GRB14: variants seen among roughly 807,000 people sequenced by gnomAD.
GRB14 encodes growth factor receptor-bound protein 14.
In GRB14, 38 loss-of-function variants were observed where a neutral mutation model predicts 69.1. That is an observed-to-expected ratio of 0.55 (90% CI 0.42 to 0.72). GRB14 has a LOEUF of 0.72. GRB14 is among the 30% of genes least tolerant of loss of function. The probability of loss-of-function intolerance (pLI) is 0.00; values close to 1 mark genes in which losing one functional copy is unlikely to be tolerated. For synonymous variants in GRB14, 247 were observed against 241.3 expected, an observed-to-expected ratio of 1.02 and a Z score of -0.22; for missense variants, 666 against 666.1, an observed-to-expected ratio of 1.00 and a Z score of 0.00.
rs148268784 is a variant in GRB14, at chr2:164,503,442, CAAAAAAAAAA to C, written c.1024-1117_1024-1108del. 1.7e-4 allele frequency among the ~76,000 whole-genome samples: 16 copies of C among 92,236 alleles called. No individual in the cohort carries two copies. The East Asian group carries it at 5.7e-3, about 33-fold the overall frequency. The allele number at this position is 92,236 out of a possible 152,430, so 60.5% of individuals were successfully genotyped here. Reference sequence around the variant, plus strand: ...ACAATGGGTATATTTGGTAATTAGGCAAAAAAAAAAAAAAAAAAAAAAAAAAAAAAAAAAT... The same window carrying C: ...ACAATGGGTATATTTGGTAATTAGGCAAAAAAAAAAAAAAAAAAAAAAAAT... On this transcript the variant is annotated intron_variant, in intron 8 of 13. Coordinates refer to ENST00000263915, the MANE Select transcript of GRB14 (RefSeq NM_004490.3).
At chr2:164,613,180 G>T (rs1444405419) in intron 2 of GRB14, among the ~76,000 whole-genome samples, 1 of 152,214 alleles carries the variant, frequency 6.6e-6, no homozygotes, top group Non-Finnish European at 1.5e-5. Flanking sequence ...TGAACACTCT[G>T]AACTGGGTAC....
chr2:164,603,055 T>A (rs1398355583), intron 2 of GRB14, among the ~76,000 whole-genome samples: 1 of 152,138 alleles, frequency 6.6e-6, no homozygotes, highest in Non-Finnish European at 1.5e-5. Flanking sequence ...ATTAGAGGCA[T>A]GATTAGAGAG....
intron 2 of GRB14, among the ~76,000 whole-genome samples, chr2:164,611,785 G>C (rs745700334): frequency 1.3e-5 from 2 of 151,830 alleles, no homozygotes; most frequent in Admixed American, 1.3e-4. Flanking sequence ...TGTGACTCCT[G>C]TGCTCTTTGT....
At chr2:164,533,168 C>T (rs1464659133) in intron 3 of GRB14, among the ~76,000 whole-genome samples, 4 of 149,904 alleles carry the variant, frequency 2.7e-5, no homozygotes, top group Non-Finnish European at 1.5e-5. Flanking sequence ...CTGTCTATAT[C>T]AACTAAAATT....
chr2:164,508,760 G>A lies in GRB14; in HGVS notation c.909C>T (p.Asn303=), dbSNP rs775580138. ...CCTGTACCTTAAAGCAGAATCCATAGTTAGTCGGTGCTCCATGTTTTTTTT... is the reference window on the plus strand; with the variant it reads ...CCTGTACCTTAAAGCAGAATCCATAATTAGTCGGTGCTCCATGTTTTTTTT... The part of the protein sequence containing the change: ...AGKKKHGAPT[N]YGFCFKPNKA... Residue 303 remains asparagine (N), a synonymous_variant, in exon 7 of 14, where the codon AAC becomes AAT. Transcript: ENST00000263915. 4 of 1,583,664 alleles carry A rather than the reference G, an allele frequency of 2.5e-6. No individual in the cohort carries two copies. Among genetic ancestry groups the A allele is most frequent in the Non-Finnish European group, 3.4e-6 (4 of 1,169,112 alleles).
Position 164,532,993 on chromosome 2 carries a change from G to C in GRB14, c.482-5858C>G, listed in dbSNP as rs779074822. 1.8e-4 allele frequency among the ~76,000 whole-genome samples: 28 copies of C among 151,730 alleles called. 1 individual carries two copies. The South Asian group carries it at 1.9e-3, about 10-fold the overall frequency. ...GGTAATTGGATGGTGTAGGTCCCAA[G>C]TGCCCCCTCTTGTAGGTCCCAAGTG... On this transcript the variant is annotated intron_variant, in intron 3 of 13. Transcript: ENST00000263915.
intron 2 of GRB14, among the ~76,000 whole-genome samples, chr2:164,602,240 T>C (rs1049932145): frequency 6.6e-6 from 1 of 151,982 alleles, no homozygotes; most frequent in African/African-American, 2.4e-5. Context: ...ACCTTGCCTC[T>C]GCCACTTCCT....
intron 12 of GRB14, among the ~76,000 whole-genome samples, chr2:164,495,751 G>T (rs960273242): frequency 6.6e-6 from 1 of 152,164 alleles, no homozygotes; most frequent in African/African-American, 2.4e-5. Flanking sequence ...GGACAAAAGG[G>T]CGTTTCACTG....
rs148239449 is a variant in GRB14, at chr2:164,516,853, G to C, written c.816+5127C>G. ...AGCCTGGCTAACATGGTGAAACCCT[G>C]TCTCTACTAAAAATACATAAATTAC... is the stretch of plus-strand genomic sequence containing the variant. On this transcript the variant is annotated intron_variant, in intron 6 of 13. Coordinates refer to ENST00000263915, the MANE Select transcript of GRB14 (RefSeq NM_004490.3). Among the ~76,000 whole-genome samples, 17 of 152,146 alleles carry C rather than the reference G, an allele frequency of 1.1e-4. No homozygotes were observed. The East Asian group carries it at 3.3e-3, about 30-fold the overall frequency.
intron 5 of GRB14, 32 bp downstream of exon 5, chr2:164,524,972 T>G: frequency 8.2e-7 from 1 of 1,222,286 alleles, no homozygotes; most frequent in Non-Finnish European, 1.2e-6. Flanking sequence ...ATTATGCTAT[T>G]ATTTATATAT....
chr2:164,612,757 A>G (rs1427383188), intron 2 of GRB14, among the ~76,000 whole-genome samples: 1 of 152,202 alleles, frequency 6.6e-6, no homozygotes, highest in Non-Finnish European at 1.5e-5. Context: ...TTGACAGAAC[A>G]TATTATATGC....
chr2:164,566,594 T>G (rs541814818), intron 2 of GRB14, among the ~76,000 whole-genome samples: 2 of 152,210 alleles, frequency 1.3e-5, no homozygotes, highest in East Asian at 3.9e-4. Flanking sequence ...AGTAATCTTG[T>G]TTTCCTACTT....
intron 2 of GRB14, among the ~76,000 whole-genome samples, chr2:164,590,852 C>T (rs1689644858): frequency 6.6e-6 from 1 of 152,152 alleles, no homozygotes; most frequent in Admixed American, 6.5e-5. Flanking sequence ...TATACAACTG[C>T]ACTGGTCCCG....
intron 2 of GRB14, among the ~76,000 whole-genome samples, chr2:164,612,484 C>T (rs1016937282): frequency 8.5e-5 from 13 of 152,332 alleles, no homozygotes; most frequent in African/African-American, 3.1e-4. Context: ...TCTTTCTACT[C>T]CCTTGCCTTG....
chr2:164,554,880 T>C (rs1280312360), intron 2 of GRB14, among the ~76,000 whole-genome samples: 1 of 151,380 alleles, frequency 6.6e-6, no homozygotes, highest in East Asian at 1.9e-4. Context: ...TTTAGAATAC[T>C]AGATGCAACA....
intron 2 of GRB14, among the ~76,000 whole-genome samples, chr2:164,566,812 T>G (rs894176735): frequency 6.6e-6 from 1 of 152,086 alleles, no homozygotes; most frequent in African/African-American, 2.4e-5. Flanking sequence ...CAAATAAGAC[T>G]GAAGATATTA....
intron 2 of GRB14, among the ~76,000 whole-genome samples, chr2:164,611,542 A>G (rs575884499): frequency 3.1e-4 from 47 of 151,580 alleles, no homozygotes; most frequent in Non-Finnish European, 5.3e-4. Context: ...CGTACCTATT[A>G]AACCAAGTAG....
chr2:164,583,840 C>T (rs1559061739), intron 2 of GRB14, among the ~76,000 whole-genome samples: 2 of 152,042 alleles, frequency 1.3e-5, no homozygotes, highest in South Asian at 2.1e-4. Context: ...CGGAAAAGTT[C>T]GATGAAATTG....
At position 164,587,503 on chromosome 2, in the gene GRB14, C is replaced by A. The variant is rs371769122; in HGVS notation, c.324+32184G>T. On this transcript the variant is annotated intron_variant, in intron 2 of 13. Coordinates refer to ENST00000263915, the MANE Select transcript of GRB14 (RefSeq NM_004490.3). ...CAATGTAGCCCCTAAACATGCTGAA[C>A]CCCCATGTCTCTACAGTCATTGTCT... is the stretch of plus-strand genomic sequence containing the variant. 1.4e-4 allele frequency among the ~76,000 whole-genome samples: 21 copies of A among 152,254 alleles called. No individual in the cohort carries two copies. The South Asian group carries it at 3.9e-3, about 29-fold the overall frequency.
Sources: gnomAD v4.1 joint callset for allele counts (sites outside exome capture counted in the v4.1 genomes callset) on GRCh38, gnomAD v4.1.1 for gene constraint, MANE v1.5 for transcripts, NCBI Gene and HGNC (gene_info 2026-07-23, HGNC 2026-07-21) for gene names.